TRUB1: variants seen among roughly 807,000 people sequenced by gnomAD.
The protein encoded by TRUB1 is TruB pseudouridine synthase family member 1.
In TRUB1, 23 loss-of-function variants were observed where a neutral mutation model predicts 33.9. The ratio of observed to expected loss-of-function variants is 0.68; its 90% confidence interval spans 0.49 to 0.96. TRUB1 has a LOEUF of 0.96. Ranked by LOEUF, TRUB1 falls within the 40% of genes least tolerant of loss-of-function variation. The probability of loss-of-function intolerance (pLI) is 0.00; values close to 1 mark genes in which losing one functional copy is unlikely to be tolerated. For missense variants in TRUB1, 378 were observed against 422.2 expected, an observed-to-expected ratio of 0.90 and a Z score of 0.92; for synonymous variants, 163 against 165.4, an observed-to-expected ratio of 0.99 and a Z score of 0.11.
At chr10:114,964,105 A>T (rs139302256) in intron 4 of TRUB1, among the ~76,000 whole-genome samples, 1,566 of 152,258 alleles carry the variant, frequency 0.01, 19 homozygotes, top group Middle Eastern at 0.058. Flanking sequence ...AAAACTTTGC[A>T]TTTCCACTAG....
intron 3 of TRUB1, among the ~76,000 whole-genome samples, chr10:114,952,074 T>C (rs2084238106): frequency 6.6e-6 from 1 of 152,188 alleles, no homozygotes; most frequent in Non-Finnish European, 1.5e-5. Flanking sequence ...CTACGCAATC[T>C]CATTTTCTGA....
intron 4 of TRUB1, among the ~76,000 whole-genome samples, chr10:114,966,744 A>G (rs558720209): frequency 6.6e-6 from 1 of 152,310 alleles, no homozygotes; most frequent in Non-Finnish European, 1.5e-5. Flanking sequence ...TTCAATTTCT[A>G]ATAGTTCATT....
rs1358676835 is a variant in TRUB1, at chr10:114,942,746, A to C, written c.385+3A>C. 1.9e-6 allele frequency: 3 copies of C among 1,600,458 alleles called. No individual in the cohort carries two copies. In the East Asian group the frequency reaches 6.7e-5, roughly 36 times the overall value. Reference sequence around the variant, plus strand: ...CAGCGCAGCCCGAGGAGTTCTGGGTAAGAGATATGAAAGGCAGTTAAGTGT... The same window carrying C: ...CAGCGCAGCCCGAGGAGTTCTGGGTCAGAGATATGAAAGGCAGTTAAGTGT... On this transcript the variant is annotated splice_donor_region_variant and intron_variant, in intron 2 of 7. Transcript: ENST00000298746.
At chr10:114,956,241 C>A (rs1300105176) in intron 3 of TRUB1, among the ~76,000 whole-genome samples, 1 of 152,168 alleles carries the variant, frequency 6.6e-6, no homozygotes, top group Non-Finnish European at 1.5e-5. Flanking sequence ...CAGGACCTCT[C>A]TTTTGTTGCA....
At chr10:114,950,878 G>C (rs191469629) in intron 2 of TRUB1, among the ~76,000 whole-genome samples, 1 of 151,958 alleles carries the variant, frequency 6.6e-6, no homozygotes, top group Non-Finnish European at 1.5e-5. Flanking sequence ...TTTGAGAATG[G>C]GGAGAAAGGT....
intron 3 of TRUB1, among the ~76,000 whole-genome samples, chr10:114,951,863 A>G (rs2084236983): frequency 6.6e-6 from 1 of 152,188 alleles, no homozygotes; most frequent in Non-Finnish European, 1.5e-5. Flanking sequence ...GAAAAATTTC[A>G]TTATGTTCCT....
At chr10:114,939,019 A>T (rs2084172934) in intron 1 of TRUB1, among the ~76,000 whole-genome samples, 1 of 152,240 alleles carries the variant, frequency 6.6e-6, no homozygotes, top group Non-Finnish European at 1.5e-5. Flanking sequence ...GTACAAATAC[A>T]GATTCCTAAT....
At chr10:114,957,012 T>A (rs1299397911) in intron 3 of TRUB1, among the ~76,000 whole-genome samples, 4 of 152,158 alleles carry the variant, frequency 2.6e-5, no homozygotes. Context: ...TGGAGTGGGT[T>A]GAGACTTAGC....
chr10:114,958,868 G>A (rs1360517005), intron 3 of TRUB1, among the ~76,000 whole-genome samples: 1 of 152,290 alleles, frequency 6.6e-6, no homozygotes, highest in South Asian at 2.1e-4. Flanking sequence ...GGTGGCTCAC[G>A]CCTGTAATCC....
At chr10:114,959,916 G>T (rs141052219) in intron 4 of TRUB1, 109 bp downstream of exon 4, 8 of 676,154 alleles carry the variant, frequency 1.2e-5, no homozygotes, top group Non-Finnish European at 2.0e-5. Flanking sequence ...TTAATTCTCA[G>T]TGTGTTTCTT....
At chr10:114,942,270 G>C (rs958394436) in intron 1 of TRUB1, among the ~76,000 whole-genome samples, 1 of 152,168 alleles carries the variant, frequency 6.6e-6, no homozygotes, top group African/African-American at 2.4e-5. Context: ...ACTTTTAAAA[G>C]TATCTTTCTA....
intron 3 of TRUB1, among the ~76,000 whole-genome samples, chr10:114,953,441 T>A (rs2143021329): frequency 6.6e-6 from 1 of 152,330 alleles, no homozygotes; most frequent in African/African-American, 2.4e-5. Context: ...GATTATTTTT[T>A]AATAAAAAGT....
At chr10:114,951,062 A>C in intron 2 of TRUB1, 32 bp from the exon 3 acceptor site, 2 of 1,583,776 alleles carry the variant, frequency 1.3e-6, no homozygotes, top group Non-Finnish European at 1.7e-6. Flanking sequence ...TTCAGAACAG[A>C]GTGTCATAAT....
intron 2 of TRUB1, among the ~76,000 whole-genome samples, chr10:114,942,951 G>A (rs925621917): frequency 6.6e-6 from 1 of 152,222 alleles, no homozygotes; most frequent in Admixed American, 6.5e-5. Flanking sequence ...CTACTTTTAT[G>A]TGTGGATGGG....
intron 3 of TRUB1, among the ~76,000 whole-genome samples, chr10:114,959,371 C>A (rs2084275637): frequency 6.6e-6 from 1 of 152,038 alleles, no homozygotes; most frequent in African/African-American, 2.4e-5. Flanking sequence ...GGCTATTGTA[C>A]CATTCTCTCT....
rs1050172726 is a variant in TRUB1, at chr10:114,975,586, G to T, written c.*207G>T. ...TGCAGTTGGCTCAGTTGTTTGTTGT[G>T]TTGTGAAATGTTTTAGGATTTTTTG... On this transcript the variant is annotated 3_prime_UTR_variant, in exon 8 of 8. Coordinates refer to ENST00000298746, the MANE Select transcript of TRUB1 (RefSeq NM_139169.5). 3 of 397,646 alleles carry T rather than the reference G, an allele frequency of 7.5e-6. No individual in the cohort carries two copies. Among genetic ancestry groups the T allele is most frequent in the Non-Finnish European group, 1.3e-5 (3 of 226,168 alleles). 24.6% of individuals were successfully genotyped at this position (397,646 alleles called of 1,614,324 possible).
At chr10:114,943,929 T>C (rs955071261) in intron 2 of TRUB1, among the ~76,000 whole-genome samples, 3 of 152,132 alleles carry the variant, frequency 2.0e-5, no homozygotes, top group Admixed American at 6.5e-5. Flanking sequence ...TTGACCGTTT[T>C]ATTGCTTGTG....
chr10:114,962,509 T>C (rs775260374), intron 4 of TRUB1, among the ~76,000 whole-genome samples: 3 of 152,194 alleles, frequency 2.0e-5, no homozygotes, highest in Non-Finnish European at 2.9e-5. Flanking sequence ...TTAAGAACAT[T>C]AATTTGCCAT....
chr10:114,946,631 C>T (rs2084212693), intron 2 of TRUB1, among the ~76,000 whole-genome samples: 1 of 152,108 alleles, frequency 6.6e-6, no homozygotes, highest in Non-Finnish European at 1.5e-5. Flanking sequence ...TGTGAGCCAC[C>T]ATGCCCGGCC....
Sources: gnomAD v4.1 joint callset for allele counts (sites outside exome capture counted in the v4.1 genomes callset) on GRCh38, gnomAD v4.1.1 for gene constraint, MANE v1.5 for transcripts, NCBI Gene and HGNC (gene_info 2026-07-23, HGNC 2026-07-21) for gene names.